GPR149: variants seen among roughly 807,000 people sequenced by gnomAD.
The protein encoded by GPR149 is G protein-coupled receptor 149.
GPR149 carries 50 observed loss-of-function variants against 50.2 expected under a neutral mutation model. The observed-to-expected ratio is 1.00, with a 90% confidence interval of 0.79 to 1.26. GPR149 has a LOEUF of 1.26. GPR149 is among the 50% of genes most tolerant of loss of function. GPR149 has a pLI of 0.00. For missense variants in GPR149, 983 were observed against 895.4 expected (o/e 1.10, Z -1.25); for synonymous variants, 405 against 358.2 (o/e 1.13, Z -1.48).
intron 3 of GPR149, among the ~76,000 whole-genome samples, chr3:154,414,542 TC>T: frequency 6.6e-6 from 1 of 151,964 alleles, no homozygotes; most frequent in South Asian, 2.1e-4. Context: ...TCAAAATGTC[TC>T]TCCACAAGAC....
chr3:154,413,258 C>T (rs554428080), intron 3 of GPR149, among the ~76,000 whole-genome samples: 1 of 151,946 alleles, frequency 6.6e-6, no homozygotes, highest in Admixed American at 6.6e-5. Context: ...TCTTAATGAC[C>T]AAGAACCCAA....
chr3:154,346,283 A>C (rs1424389226), intron 3 of GPR149, among the ~76,000 whole-genome samples: 1 of 152,210 alleles, frequency 6.6e-6, no homozygotes, highest in Non-Finnish European at 1.5e-5. Flanking sequence ...TGTGAGAAAA[A>C]CAAAAGTAGA....
chr3:154,412,515 T>C (rs966875638), intron 3 of GPR149, among the ~76,000 whole-genome samples: 1 of 152,084 alleles, frequency 6.6e-6, no homozygotes, highest in Admixed American at 6.6e-5. Context: ...AATCAGTAGC[T>C]CTGCTATACA....
intron 3 of GPR149, among the ~76,000 whole-genome samples, chr3:154,395,381 T>TAC (rs1191623557): frequency 1.3e-5 from 2 of 149,220 alleles, no homozygotes; most frequent in South Asian, 2.1e-4. Context: ...AACCTTGATA[T>TAC]ATATATATCT....
chr3:154,421,955 T>C (rs988427830), intron 2 of GPR149, among the ~76,000 whole-genome samples: 1 of 151,744 alleles, frequency 6.6e-6, no homozygotes, highest in Non-Finnish European at 1.5e-5. Context: ...CCAATAAATA[T>C]AACTTCTTAA....
intron 2 of GPR149, among the ~76,000 whole-genome samples, chr3:154,425,395 C>T (rs1405336991): frequency 1.3e-5 from 2 of 152,048 alleles, no homozygotes; most frequent in African/African-American, 4.8e-5. Flanking sequence ...AATTAAGATA[C>T]TCTAGCTGAT....
Position 154,428,784 on chromosome 3 carries a change from C to G in GPR149, c.832G>C (p.Gly278Arg), listed in dbSNP as rs967285945. The change falls in exon 1 of 4, where the codon GGT becomes CGT. Residue 278 changes from glycine to arginine, a missense_variant. By Grantham distance (125) the Gly-to-Arg change is moderately radical. Coordinates refer to ENST00000389740, the MANE Select transcript of GPR149 (RefSeq NM_001038705.3). Reference sequence around the variant, plus strand: ...TCAGCCCCAGCGGCAGCGGGCGCACCCGGTCCGAACACGGTGTCGGAGCTC... The same window carrying G: ...TCAGCCCCAGCGGCAGCGGGCGCACGCGGTCCGAACACGGTGTCGGAGCTC... ...SPSSDTVFGP[G>R]APAAAGAEAC... 2 of 1,613,886 alleles carry G rather than the reference C, an allele frequency of 1.2e-6. No individual in the cohort carries two copies. The highest frequency in any genetic ancestry group is 1.3e-5 in the African/African-American group (1 of 75,048).
At chr3:154,425,572 G>C (rs898085927) in intron 2 of GPR149, among the ~76,000 whole-genome samples, 2 of 152,040 alleles carry the variant, frequency 1.3e-5, no homozygotes, top group Non-Finnish European at 2.9e-5. Flanking sequence ...AGGGAATGGA[G>C]TCATTTGAAC....
chr3:154,373,549 C>T (rs1307509842), intron 3 of GPR149, among the ~76,000 whole-genome samples: 2 of 152,160 alleles, frequency 1.3e-5, no homozygotes, highest in African/African-American at 4.8e-5. Context: ...ATAAAATCCT[C>T]TCTTGTTATG....
chr3:154,423,080 G>A (rs1248145890), intron 2 of GPR149, among the ~76,000 whole-genome samples: 3 of 151,824 alleles, frequency 2.0e-5, no homozygotes, highest in East Asian at 3.8e-4. Context: ...AATTAGTAAT[G>A]TTTTTGAAGG....
At chr3:154,380,054 C>T (rs1397796107) in intron 3 of GPR149, among the ~76,000 whole-genome samples, 2 of 152,028 alleles carry the variant, frequency 1.3e-5, no homozygotes, top group Non-Finnish European at 2.9e-5. Flanking sequence ...AATAATTAGG[C>T]TCATATGGTA....
At position 154,393,033 on chromosome 3, in the gene GPR149, A is replaced by G. The variant is rs559446745; in HGVS notation, c.1623+28006T>C. Among the ~76,000 whole-genome samples the G allele has an allele frequency of 3.3e-5, 5 of 152,186 alleles. No individual in the cohort carries two copies. In the South Asian group the frequency reaches 1.0e-3, roughly 32 times the overall value. Reference sequence around the variant, plus strand: ...AACGAATTAATGCCAATTCTTCTCAATCTCCTCTAAAGAATTGAGGAAGAT... The same window carrying G: ...AACGAATTAATGCCAATTCTTCTCAGTCTCCTCTAAAGAATTGAGGAAGAT... On this transcript the variant is annotated intron_variant, in intron 3 of 3. Coordinates refer to ENST00000389740, the MANE Select transcript of GPR149 (RefSeq NM_001038705.3).
At position 154,402,220 on chromosome 3, in the gene GPR149, A is replaced by G. The variant is rs186005945; in HGVS notation, c.1623+18819T>C. On this transcript the variant is annotated intron_variant, in intron 3 of 3. Transcript: ENST00000389740. ...GTTGTTGCTGATGTCCTTAAAGCAAATGGGAACATTAAAACTGTGCAAATA... is the reference window on the plus strand; with the variant it reads ...GTTGTTGCTGATGTCCTTAAAGCAAGTGGGAACATTAAAACTGTGCAAATA... 2.3e-3 allele frequency among the ~76,000 whole-genome samples: 344 copies of G among 152,214 alleles called. 1 individual carries two copies. The highest frequency in any genetic ancestry group is 7.6e-3 in the African/African-American group (316 of 41,548).
intron 3 of GPR149, chr3:154,353,965 A>G (rs1714152538): frequency 2.1e-6 from 1 of 484,336 alleles, no homozygotes; most frequent in African/African-American, 2.0e-5. Flanking sequence ...CTAGTTTATT[A>G]TCACTTGATT....
At chr3:154,423,807 A>G (rs1274426026) in intron 2 of GPR149, among the ~76,000 whole-genome samples, 1 of 151,710 alleles carries the variant, frequency 6.6e-6, no homozygotes, top group African/African-American at 2.4e-5. Flanking sequence ...TAAAATAAAA[A>G]GTGTCTATGG....
intron 2 of GPR149, among the ~76,000 whole-genome samples, chr3:154,422,095 A>G (rs1441548421): frequency 1.3e-5 from 2 of 151,626 alleles, no homozygotes; most frequent in African/African-American, 4.8e-5. Context: ...AATAAATGTG[A>G]AAAGAACTGG....
chr3:154,405,790 A>T (rs1711670875), intron 3 of GPR149, among the ~76,000 whole-genome samples: 1 of 151,874 alleles, frequency 6.6e-6, no homozygotes, highest in African/African-American at 2.4e-5. Context: ...ATCCAAATGG[A>T]CCTGGGATCA....
intron 3 of GPR149, among the ~76,000 whole-genome samples, chr3:154,350,701 T>C (rs932735715): frequency 6.6e-6 from 1 of 152,054 alleles, no homozygotes; most frequent in Non-Finnish European, 1.5e-5. Flanking sequence ...AAAATTAAAA[T>C]GAAAAGGTAC....
At chr3:154,389,512 C>G (rs1022691104) in intron 3 of GPR149, among the ~76,000 whole-genome samples, 7 of 152,044 alleles carry the variant, frequency 4.6e-5, no homozygotes, top group Admixed American at 3.3e-4. Context: ...TCTCACTTGC[C>G]TTGGAGAGCT....
Sources: gnomAD v4.1 joint callset for allele counts (sites outside exome capture counted in the v4.1 genomes callset) on GRCh38, gnomAD v4.1.1 for gene constraint, MANE v1.5 for transcripts, NCBI Gene and HGNC (gene_info 2026-07-23, HGNC 2026-07-21) for gene names.